Variants in POU2F1 observed in about 807,000 individuals in gnomAD.
POU2F1 encodes POU class 2 homeobox 1.
Under a neutral mutation model 84.9 loss-of-function variants are expected in POU2F1, and 16 were observed. That is an observed-to-expected ratio of 0.19 (90% CI 0.13 to 0.29). The LOEUF (loss-of-function observed/expected upper bound fraction) is 0.29. Among genes scored for constraint, POU2F1 ranks in the 10% least tolerant of loss-of-function variants. The pLI is 1.00. For missense variants in POU2F1, 738 were observed against 942.6 expected (o/e 0.78, Z 2.84); for synonymous variants, 368 against 368.3 (o/e 1.00, Z 0.01).
chr1:167,251,826 AT>A (rs1443387109), intron 1 of POU2F1, among the ~76,000 whole-genome samples: 24 of 150,876 alleles, frequency 1.6e-4, no homozygotes, highest in Non-Finnish European at 3.1e-4. Context: ...AGCTCACTGT[AT>A]TTTTTGTTTC....
intron 2 of POU2F1, among the ~76,000 whole-genome samples, chr1:167,357,022 G>C (rs1225237114): frequency 6.6e-6 from 1 of 152,040 alleles, no homozygotes; most frequent in Non-Finnish European, 1.5e-5. Flanking sequence ...CTTCTCCCTG[G>C]TCCCTGCCTT....
chr1:167,312,619 A>G (rs925470429), intron 1 of POU2F1, among the ~76,000 whole-genome samples: 1 of 152,126 alleles, frequency 6.6e-6, no homozygotes, highest in Non-Finnish European at 1.5e-5. Context: ...AAAGAAAAAT[A>G]TATTTTTATA....
At chr1:167,292,909 C>T (rs540041254) in intron 1 of POU2F1, among the ~76,000 whole-genome samples, 67 of 152,112 alleles carry the variant, frequency 4.4e-4, no homozygotes, top group African/African-American at 1.5e-3. Flanking sequence ...AAAAACCATA[C>T]GACCGTCTCA....
chr1:167,277,955 A>G (rs894730829), intron 1 of POU2F1, among the ~76,000 whole-genome samples: 6 of 152,180 alleles, frequency 3.9e-5, no homozygotes, highest in Admixed American at 3.9e-4. Flanking sequence ...TTGCAGCACA[A>G]TAGTAGCCCT....
At chr1:167,349,768 G>A (rs987116384) in intron 2 of POU2F1, among the ~76,000 whole-genome samples, 1 of 152,074 alleles carries the variant, frequency 6.6e-6, no homozygotes, top group Admixed American at 6.5e-5. Flanking sequence ...ATTTGTTGTT[G>A]TTTTTGTTTG....
At chr1:167,261,679 A>G (rs1398637239) in intron 1 of POU2F1, among the ~76,000 whole-genome samples, 1 of 151,868 alleles carries the variant, frequency 6.6e-6, no homozygotes, top group African/African-American at 2.4e-5. Flanking sequence ...TTAGGATTTG[A>G]TTTTGTTTTT....
intron 14 of POU2F1, 34 bp from the exon 15 acceptor site, chr1:167,412,992 T>C (rs753150739): frequency 2.1e-5 from 32 of 1,539,584 alleles, no homozygotes; most frequent in Non-Finnish European, 2.7e-5. Flanking sequence ...TGCGTCTGCA[T>C]GGTAATAAAG....
intron 1 of POU2F1, among the ~76,000 whole-genome samples, chr1:167,280,115 A>G (rs2094213978): frequency 6.6e-6 from 1 of 151,400 alleles, no homozygotes; most frequent in Admixed American, 6.6e-5. Context: ...AATCGCTCGA[A>G]CCCAGCAGGT....
In POU2F1 at chr1:167,412,312, G is replaced by A. The variant is rs371942170; in HGVS notation, c.1901+8G>A. On this transcript the variant is annotated splice_region_variant and intron_variant, in intron 14 of 15. Coordinates refer to ENST00000367866, the MANE Select transcript of POU2F1 (RefSeq NM_002697.4). Reference sequence around the variant, plus strand: ...CTCACAGTTTGCGGCTGGGTAAGGCGCTTTCTCATCTCATTCACGTCTGAG... The same window carrying A: ...CTCACAGTTTGCGGCTGGGTAAGGCACTTTCTCATCTCATTCACGTCTGAG... The A allele has an allele frequency of 2.1e-5, 32 of 1,525,542 alleles. No homozygotes were observed. In the East Asian group the frequency reaches 2.5e-4, roughly 12 times the overall value. 94.5% of individuals were successfully genotyped at this position (1,525,542 alleles called of 1,614,324 possible).
intron 1 of POU2F1, among the ~76,000 whole-genome samples, chr1:167,238,998 A>G (rs1035090386): frequency 2.6e-5 from 4 of 152,204 alleles, no homozygotes; most frequent in African/African-American, 9.6e-5. Context: ...ATCCAGGCAC[A>G]CACTCTAAAA....
At chr1:167,365,112 G>A (rs12742052) in intron 2 of POU2F1, among the ~76,000 whole-genome samples, 15,871 of 152,176 alleles carry the variant, frequency 0.1, 2,140 homozygotes, top group African/African-American at 0.32. Flanking sequence ...ATATCAAGTA[G>A]GCTGAAAAAT....
intron 8 of POU2F1, 31 bp downstream of exon 8, chr1:167,383,982 C>T (rs1240667669): frequency 6.5e-7 from 1 of 1,539,296 alleles, no homozygotes; most frequent in Non-Finnish European, 8.9e-7. Context: ...GCTGCTTTCT[C>T]TTATCATATT....
At chr1:167,356,352 CTT>C (rs1658937112) in intron 2 of POU2F1, among the ~76,000 whole-genome samples, 1 of 151,890 alleles carries the variant, frequency 6.6e-6, no homozygotes, top group African/African-American at 2.4e-5. Context: ...ATTAAACTCT[CTT>C]ATTCTAATAA....
intron 10 of POU2F1, chr1:167,396,652 C>A: frequency 2.1e-6 from 1 of 470,702 alleles, no homozygotes; most frequent in South Asian, 3.1e-5. Flanking sequence ...TAATTTTTAG[C>A]CTGAAATACT....
At chr1:167,294,775 A>G (rs1044971490) in intron 1 of POU2F1, among the ~76,000 whole-genome samples, 1 of 152,158 alleles carries the variant, frequency 6.6e-6, no homozygotes, top group Non-Finnish European at 1.5e-5. Context: ...ATGCTTATAC[A>G]CTGCTGGTGG....
At chr1:167,345,383 A>C (rs1658122573) in intron 2 of POU2F1, among the ~76,000 whole-genome samples, 1 of 152,224 alleles carries the variant, frequency 6.6e-6, no homozygotes, top group African/African-American at 2.4e-5. Context: ...AAAGCAGTCT[A>C]GAGAGGATTA....
chr1:167,344,453 T>G lies in POU2F1; in HGVS notation c.127+11918T>G, dbSNP rs141895692. Among the ~76,000 whole-genome samples the G allele has an allele frequency of 2.0e-3, 303 of 152,304 alleles. 3 individuals carry two copies. Among genetic ancestry groups the G allele is most frequent in the Admixed American group, 6.1e-3 (93 of 15,300 alleles). Reference sequence around the variant, plus strand: ...GTGAATGGTTGTGTAAAGGGAATGATAAATGTAAGCAACTCTTTTCATGGA... The same window carrying G: ...GTGAATGGTTGTGTAAAGGGAATGAGAAATGTAAGCAACTCTTTTCATGGA... On this transcript the variant is annotated intron_variant, in intron 2 of 15. Transcript: ENST00000367866.
intron 1 of POU2F1, among the ~76,000 whole-genome samples, chr1:167,265,271 A>G (rs867729217): frequency 6.6e-6 from 1 of 152,232 alleles, no homozygotes; most frequent in Non-Finnish European, 1.5e-5. Context: ...AGATTGTGGA[A>G]GATGCAGAGA....
intron 1 of POU2F1, among the ~76,000 whole-genome samples, chr1:167,321,319 G>T (rs34640500): frequency 6.6e-6 from 1 of 152,062 alleles, no homozygotes; most frequent in Non-Finnish European, 1.5e-5. Flanking sequence ...GTTGTTTACC[G>T]CAGGAATTGT....
Sources: gnomAD v4.1 joint callset for allele counts (sites outside exome capture counted in the v4.1 genomes callset) on GRCh38, gnomAD v4.1.1 for gene constraint, MANE v1.5 for transcripts, NCBI Gene and HGNC (gene_info 2026-07-23, HGNC 2026-07-21) for gene names.